The following TNRC6B variants were observed in gnomAD, a reference collection of about 807,000 sequenced individuals.
The protein encoded by TNRC6B is trinucleotide repeat containing adaptor 6B, also known as trinucleotide repeat-containing gene 6B protein.
A neutral mutation model predicts 203.6 loss-of-function variants in TNRC6B; 52 were observed. That is an observed-to-expected ratio of 0.26 (90% CI 0.20 to 0.32). The LOEUF (loss-of-function observed/expected upper bound fraction) is 0.32, where lower values mean the gene tolerates loss of function less well. Among genes scored for constraint, TNRC6B ranks in the 10% least tolerant of loss-of-function variants. The pLI is 1.00. For synonymous variants in TNRC6B, 838 were observed against 845.7 expected (o/e 0.99, Z 0.16); for missense variants, 1,923 against 2,286.2 (o/e 0.84, Z 3.24).
In TNRC6B at chr22:40,327,662, C is replaced by G. The variant is rs2071420320; in HGVS notation, c.*4421C>G. 6.6e-6 allele frequency: 1 copy of G among 152,160 alleles called. No individual in the cohort carries two copies. The highest frequency in any genetic ancestry group is 2.4e-5 in the African/African-American group (1 of 41,420). The allele number at this position is 152,160 out of a possible 1,614,324, so 9.4% of individuals were successfully genotyped here. On this transcript the variant is annotated 3_prime_UTR_variant, in exon 23 of 23. Coordinates refer to ENST00000454349, the MANE Select transcript of TNRC6B (RefSeq NM_001162501.2). ...ATGTCATGGAAGAGAAGAGCTCTTTCCGTGGTATTCTTTGGCAAGAGCCAT... is the reference window on the plus strand; with the variant it reads ...ATGTCATGGAAGAGAAGAGCTCTTTGCGTGGTATTCTTTGGCAAGAGCCAT...
intron 12 of TNRC6B, among the ~76,000 whole-genome samples, chr22:40,290,713 C>T (rs549054413): frequency 3.9e-4 from 60 of 152,216 alleles, no homozygotes; most frequent in Middle Eastern, 3.4e-3. Context: ...CTCTCTGCCC[C>T]GCGCCTAGGA....
chr22:40,120,221 G>A lies in TNRC6B; in HGVS notation c.-47+3093G>A, dbSNP rs187694982. On this transcript the variant is annotated intron_variant, in intron 2 of 23. Transcript: ENST00000301923. ...ATAAATACAAAAATTAGCTGGGCAT[G>A]GTGATGTGTACCTGTAGTTCCAGCT... Among the ~76,000 whole-genome samples the A allele has an allele frequency of 1.4e-4, 22 of 152,098 alleles. No individual in the cohort carries two copies. In the East Asian group the frequency reaches 2.7e-3, roughly 19 times the overall value.
chr22:40,303,937 ATT>A (rs2146553091), intron 15 of TNRC6B, among the ~76,000 whole-genome samples: 1 of 152,304 alleles, frequency 6.6e-6, no homozygotes, highest in South Asian at 2.1e-4. Context: ...CTTAGTTAGC[ATT>A]ATTATATTTG....
chr22:40,111,187 G>A (rs1298456135), intron 1 of TNRC6B, among the ~76,000 whole-genome samples: 1 of 152,234 alleles, frequency 6.6e-6, no homozygotes, highest in African/African-American at 2.4e-5. Flanking sequence ...TGGGAAGGCA[G>A]TCCAGGTGCA....
rs1171023525 is a variant in TNRC6B at position 40,164,719 on chromosome 22, G to A, written c.113+8537G>A. ...AGAGGTTGTGGTGAGCCGAGATCGC[G>A]CCATTACACTCCAGCCTGAGCAACG... On this transcript the variant is annotated intron_variant, in intron 4 of 23. Transcript: ENST00000301923. 4.4e-4 allele frequency among the ~76,000 whole-genome samples: 62 copies of A among 140,526 alleles called. 1 individual carries two copies. Among genetic ancestry groups the A allele is most frequent in the Admixed American group, 4.1e-3 (56 of 13,496 alleles). The allele number at this position is 140,526 out of a possible 152,430, so 92.2% of individuals were successfully genotyped here.
rs867522057 is a variant in TNRC6B at position 40,119,506 on chromosome 22, C to T, written c.-47+2378C>T. On this transcript the variant is annotated intron_variant, in intron 2 of 23. Coordinates refer to the TNRC6B transcript ENST00000301923. ...GGCTGAGGCAGGAGAATCGCTTGAA[C>T]CTGGGAGGCAGAGGTTGCAGTGAGC... Among the ~76,000 whole-genome samples, 3 of 152,288 alleles carry T rather than the reference C, an allele frequency of 2.0e-5. No homozygotes were observed. The Middle Eastern group carries it at 0.01, about 518-fold the overall frequency.
At chr22:40,227,076 AT>A (rs1279700502) in intron 1 of TNRC6B, among the ~76,000 whole-genome samples, 5 of 4,692 alleles carry the variant, frequency 1.1e-3, no homozygotes, top group African/African-American at 6.2e-3. Context: ...CACCCAGCTA[AT>A]TATTATTATT....
chr22:40,280,411 C>A (rs1197152587), intron 10 of TNRC6B, among the ~76,000 whole-genome samples: 4 of 152,210 alleles, frequency 2.6e-5, no homozygotes, highest in Non-Finnish European at 5.9e-5. Flanking sequence ...TAGAGATAAA[C>A]TTACTCTGCA....
At chr22:40,097,330 G>C (rs1853925582) in intron 1 of TNRC6B, among the ~76,000 whole-genome samples, 1 of 151,988 alleles carries the variant, frequency 6.6e-6, no homozygotes, top group Non-Finnish European at 1.5e-5. Context: ...CAGCCAGACA[G>C]GGTCTTTCTC....
chr22:40,189,516 G>T (rs1601870333), intron 1 of TNRC6B, among the ~76,000 whole-genome samples: 1 of 143,978 alleles, frequency 6.9e-6, no homozygotes, highest in African/African-American at 2.6e-5. Context: ...AAAAAAAAAA[G>T]AGGTTTCTTT....
At chr22:40,293,314 C>T (rs2070894573) in intron 12 of TNRC6B, among the ~76,000 whole-genome samples, 1 of 150,720 alleles carries the variant, frequency 6.6e-6, no homozygotes, top group African/African-American at 2.4e-5. Context: ...CTGCCTCAGC[C>T]TCCTAAGTAG....
At chr22:40,057,204 A>G (rs1281123841) in intron 1 of TNRC6B, among the ~76,000 whole-genome samples, 2 of 151,798 alleles carry the variant, frequency 1.3e-5, no homozygotes, top group Non-Finnish European at 2.9e-5. Context: ...GAACATGTTT[A>G]TTAATCCTCT....
intron 3 of TNRC6B, among the ~76,000 whole-genome samples, chr22:40,141,294 C>G (rs548817774): frequency 1.9e-4 from 29 of 150,682 alleles, no homozygotes; most frequent in Non-Finnish European, 3.4e-4. Flanking sequence ...CAACCTCCAC[C>G]TCCCGGGTTC....
chr22:40,330,919 CAG>C lies in TNRC6B; in HGVS notation c.*7679_*7680del, dbSNP rs778880347. On this transcript the variant is annotated 3_prime_UTR_variant, in exon 23 of 23. Coordinates refer to ENST00000454349, the MANE Select transcript of TNRC6B (RefSeq NM_001162501.2). ...AGATTCTGGGACTTGGGAGAGGAGACAGGGGAAGGTACCCAGGCGACGCAGAC... is the reference window on the plus strand; with the variant it reads ...AGATTCTGGGACTTGGGAGAGGAGACGGGAAGGTACCCAGGCGACGCAGAC... 7.9e-5 allele frequency: 12 copies of C among 152,634 alleles called. No individual in the cohort carries two copies. The highest frequency in any genetic ancestry group is 2.1e-4 in the South Asian group (1 of 4,828). 9.5% of individuals were successfully genotyped at this position (152,634 alleles called of 1,614,324 possible).
At chr22:40,084,236 C>A (rs1380812837) in intron 1 of TNRC6B, among the ~76,000 whole-genome samples, 1 of 152,014 alleles carries the variant, frequency 6.6e-6, no homozygotes, top group East Asian at 1.9e-4. Context: ...GTAGAAGGAC[C>A]CATGGCAGTT....
chr22:40,315,360 T>G lies in TNRC6B; in HGVS notation c.4756T>G (p.Trp1586Gly). ...HNPTHLSNKM[W>G]KNHISSRNTT... ...CCCCACTCATCTCTCCAACAAGATG[T>G]GGAAAAACCATATTTCCTCCAGGAA... Residue 1586 changes from tryptophan to glycine, a missense_variant, in exon 20 of 23, where the codon TGG becomes GGG. Trp to Gly is a radical substitution (Grantham distance 184). Coordinates refer to ENST00000454349, the MANE Select transcript of TNRC6B (RefSeq NM_001162501.2). 2 of 1,613,972 alleles carry G rather than the reference T, an allele frequency of 1.2e-6. No homozygotes were observed. The highest frequency in any genetic ancestry group is 1.7e-6 in the Non-Finnish European group (2 of 1,179,888).
rs747107723 is a variant in TNRC6B, at chr22:40,261,970, G to A, written c.254G>A (p.Arg85His). 2 of 1,612,260 alleles carry A rather than the reference G, an allele frequency of 1.2e-6. No individual in the cohort carries two copies. The highest frequency in any genetic ancestry group is 8.5e-7 in the Non-Finnish European group (1 of 1,178,982). Residue 85 changes from arginine to histidine, a missense_variant, in exon 4 of 23, where the codon CGC becomes CAC. Around this residue, in one of 8 missense-constraint regions of TNRC6B, gnomAD observed 111 missense variants for 155.3 expected, o/e 0.71. Transcript: ENST00000454349. Reference sequence around the variant, plus strand: ...AACGGACAACCGCCAAGCGCCGCCCGCTACATGCCTCGGGAGGTGCCGCCG... The same window carrying A: ...AACGGACAACCGCCAAGCGCCGCCCACTACATGCCTCGGGAGGTGCCGCCG... Reference protein sequence around the residue: ...VPNGQPPSAARYMPREVPPRF... With the variant: ...VPNGQPPSAAHYMPREVPPRF...
intron 1 of TNRC6B, among the ~76,000 whole-genome samples, chr22:40,183,805 T>C (rs1306496886): frequency 2.0e-5 from 3 of 152,020 alleles, no homozygotes; most frequent in African/African-American, 2.4e-5. Context: ...AGCGATGCTT[T>C]TGCGTCAGCC....
rs145576816 is a variant in TNRC6B at position 40,113,544 on chromosome 22, A to G, written c.-120-3511A>G. ...TAATTTTTTTGTGTTTTTTGTAGAG[A>G]TGGGGTTTCACCAGGTTGCCCAGGC... On this transcript the variant is annotated intron_variant, in intron 1 of 23. Coordinates refer to the TNRC6B transcript ENST00000301923. Among the ~76,000 whole-genome samples the G allele has an allele frequency of 5.3e-4, 80 of 152,232 alleles. No homozygotes were observed. In the East Asian group the frequency reaches 0.014, roughly 26 times the overall value.
Sources: gnomAD v4.1 joint callset for allele counts (sites outside exome capture counted in the v4.1 genomes callset) on GRCh38, gnomAD v4.1.1 for gene constraint, gnomAD v4.1.1 regional missense constraint, MANE v1.5 for transcripts, NCBI Gene and HGNC (gene_info 2026-07-23, HGNC 2026-07-21) for gene names.